The following GSDME variants were observed in gnomAD, a reference collection of about 807,000 sequenced individuals.
GSDME encodes the protein gasdermin E.
Under a neutral mutation model 47.5 loss-of-function variants are expected in GSDME, and 44 were observed. The observed-to-expected ratio is 0.93, with a 90% CI of 0.73 to 1.19. GSDME has a LOEUF of 1.19. GSDME is among the 50% of genes most tolerant of loss of function. GSDME has a pLI of 0.00. For missense variants in GSDME, 663 were observed against 604.2 expected (o/e 1.10, Z -1.02); for synonymous variants, 258 against 252.8 (o/e 1.02, Z -0.20).
In GSDME at chr7:24,729,234, C is replaced by A. The variant is rs569297581; in HGVS notation, c.405-10016G>T. Among the ~76,000 whole-genome samples, 64 of 152,366 alleles carry A rather than the reference C, an allele frequency of 4.2e-4. 1 individual carries two copies. In the South Asian group the frequency reaches 0.013, roughly 31 times the overall value. On this transcript the variant is annotated intron_variant, in intron 3 of 9. Transcript: ENST00000645220. ...ACGCCAAAGCCCTTGGAACATGTGT[C>A]TGTTTCCAAGCTCTGTGCATAGAAG...
At chr7:24,773,484 A>G in the GSDME span, among the ~76,000 whole-genome samples, 1 of 152,152 alleles carries the variant, frequency 6.6e-6, no homozygotes, top group African/African-American at 2.4e-5. This position sits in a 1 kb window ranked among gnomAD's most constrained non-coding sequence, Gnocchi z 5.4. Flanking sequence ...TTTGATGGCA[A>G]TTCATATTCT....
In GSDME at chr7:24,740,643, AATGT is replaced by A. The variant is rs556246497; in HGVS notation, c.404+3915_404+3918del. Among the ~76,000 whole-genome samples the A allele has an allele frequency of 5.1e-3, 772 of 152,104 alleles. 3 individuals carry two copies. The highest frequency in any genetic ancestry group is 0.018 in the African/African-American group (731 of 41,486). On this transcript the variant is annotated intron_variant, in intron 3 of 9. Transcript: ENST00000645220. ...ATTAAAAAATGTCATATATCCCATA[AATGT>A]ATGTATATATATTTACGTAAATATA...
At position 24,744,480 on chromosome 7, in the gene GSDME, C is replaced by T. The variant is rs944437693; in HGVS notation, c.404+82G>A. The T allele has an allele frequency of 1.7e-5, 24 of 1,417,598 alleles. No homozygotes were observed. The highest frequency in any genetic ancestry group is 1.3e-4 in the Admixed American group (8 of 59,782). 87.8% of individuals were successfully genotyped at this position (1,417,598 alleles called of 1,614,324 possible). A position where few individuals can be genotyped will look rare whatever the true frequency, so the allele number is the denominator to read the frequency against. ...ATTGATCGGCAGAGATCAAATCTGT[C>T]GCCCTTTTAACAAAGGTCCAACTGA... On this transcript the variant is annotated intron_variant, in intron 3 of 9. Transcript: ENST00000645220. The surrounding 1 kb of genome is among the most constrained non-coding windows in gnomAD (Gnocchi z 4.5).
chr7:24,739,299 G>C lies in GSDME; in HGVS notation c.404+5263C>G, dbSNP rs1790410660. Among the ~76,000 whole-genome samples the C allele has an allele frequency of 6.6e-6, 1 of 152,086 alleles. No individual in the cohort carries two copies. Among genetic ancestry groups the C allele is most frequent in the East Asian group, 1.9e-4 (1 of 5,196 alleles). Reference sequence around the variant, plus strand: ...GTAGGGAAAAAAATCTAATAATCCTGTTAAAAATGGGCAAAAGATCTAAAT... The same window carrying C: ...GTAGGGAAAAAAATCTAATAATCCTCTTAAAAATGGGCAAAAGATCTAAAT... On this transcript the variant is annotated intron_variant, in intron 3 of 9. Coordinates refer to ENST00000645220, the MANE Select transcript of GSDME (RefSeq NM_001127453.2). This position sits in a 1 kb window ranked among gnomAD's most constrained non-coding sequence, Gnocchi z 5.1.
At chr7:24,711,572 A>G (rs578156199) in intron 5 of GSDME, among the ~76,000 whole-genome samples, 55 of 152,204 alleles carry the variant, frequency 3.6e-4, no homozygotes, top group Non-Finnish European at 6.3e-4. Flanking sequence ...TGTAATGCCA[A>G]CACTTCGGGA....
At chr7:24,750,162 T>C (rs1010983411) in intron 1 of GSDME, among the ~76,000 whole-genome samples, 8 of 152,222 alleles carry the variant, frequency 5.3e-5, no homozygotes, top group Non-Finnish European at 1.0e-4. Flanking sequence ...TCTTGAACAC[T>C]GTCAATCATT....
chr7:24,762,008 C>T (rs1162426838), upstream of GSDME, among the ~76,000 whole-genome samples: 1 of 152,070 alleles, frequency 6.6e-6, no homozygotes, highest in Non-Finnish European at 1.5e-5. Flanking sequence ...ATTCCCAACA[C>T]TTTGAGAGGC....
At chr7:24,792,878 A>G in the GSDME span, among the ~76,000 whole-genome samples, 21 of 152,300 alleles carry the variant, frequency 1.4e-4, no homozygotes, top group East Asian at 3.5e-3. Context: ...AGGGTAGTAC[A>G]TGTGCTAAAA....
chr7:24,748,169 T>TATA (rs1491520142), intron 2 of GSDME, among the ~76,000 whole-genome samples: 1 of 84,894 alleles, frequency 1.2e-5, no homozygotes, highest in African/African-American at 4.1e-5. Flanking sequence ...TATATATATA[T>TATA]TTTTTTTTGA....
In GSDME at chr7:24,698,484, CAG is replaced by C. The variant is rs748962180; in HGVS notation, c.*540_*541del. ...AAATGCATATAGCTAGGGTCCCAAG[CAG>C]GGGTGTGTTACTGTTAGATTTTTTT... On this transcript the variant is annotated 3_prime_UTR_variant, in exon 10 of 10. Coordinates refer to ENST00000645220, the MANE Select transcript of GSDME (RefSeq NM_001127453.2). 1 of 181,028 alleles carries C rather than the reference CAG, an allele frequency of 5.5e-6. No individual in the cohort carries two copies. Among genetic ancestry groups the C allele is most frequent in the Non-Finnish European group, 1.2e-5 (1 of 86,068 alleles). 11.2% of individuals were successfully genotyped at this position (181,028 alleles called of 1,614,324 possible). A position where few individuals can be genotyped will look rare whatever the true frequency, so the allele number is the denominator to read the frequency against.
At chr7:24,755,308 C>A (rs958767406) in intron 1 of GSDME, among the ~76,000 whole-genome samples, 3 of 152,210 alleles carry the variant, frequency 2.0e-5, no homozygotes. Context: ...ATACCACCCC[C>A]CTTCCAATCA....
chr7:24,729,620 G>A (rs1790078721), intron 3 of GSDME, among the ~76,000 whole-genome samples: 1 of 152,242 alleles, frequency 6.6e-6, no homozygotes, highest in African/African-American at 2.4e-5. Flanking sequence ...TGTCCTTCAT[G>A]CCTCTGTGCA....
chr7:24,710,893 T>C (rs180991782), intron 5 of GSDME, among the ~76,000 whole-genome samples: 16 of 152,328 alleles, frequency 1.1e-4, no homozygotes, highest in African/African-American at 3.6e-4. Flanking sequence ...TGTCTGCAGT[T>C]ATATGAATGA....
At chr7:24,752,327 C>A (rs1790884894) in intron 1 of GSDME, among the ~76,000 whole-genome samples, 1 of 152,154 alleles carries the variant, frequency 6.6e-6, no homozygotes, top group African/African-American at 2.4e-5. Flanking sequence ...CTGGGGAGGC[C>A]CCCAATCCAT....
At chr7:24,750,514 G>C (rs914935663) in intron 1 of GSDME, among the ~76,000 whole-genome samples, 1 of 152,106 alleles carries the variant, frequency 6.6e-6, no homozygotes, top group African/African-American at 2.4e-5. Flanking sequence ...TTGGGAGGCT[G>C]AGGTGGGAGG....
chr7:24,700,230 C>A (rs1788809624), intron 9 of GSDME, among the ~76,000 whole-genome samples: 2 of 152,136 alleles, frequency 1.3e-5, no homozygotes, highest in African/African-American at 2.4e-5. Flanking sequence ...TCTGCCGTGC[C>A]TACAACACAG....
At chr7:24,731,155 T>C (rs974450195) in intron 3 of GSDME, among the ~76,000 whole-genome samples, 1 of 152,298 alleles carries the variant, frequency 6.6e-6, no homozygotes, top group Admixed American at 6.5e-5. Flanking sequence ...TTGCTTCCCA[T>C]AGAGAATATG....
the GSDME span, among the ~76,000 whole-genome samples, chr7:24,785,859 C>T: frequency 6.6e-6 from 1 of 152,208 alleles, no homozygotes; most frequent in Non-Finnish European, 1.5e-5. Flanking sequence ...TTCTTCAGCC[C>T]CATGGCTATC....
At chr7:24,795,262 G>A in the GSDME span, among the ~76,000 whole-genome samples, 1 of 152,184 alleles carries the variant, frequency 6.6e-6, no homozygotes, top group Non-Finnish European at 1.5e-5. Flanking sequence ...TCCCCCGCAG[G>A]GATGTTCCAC....
Sources: gnomAD v4.1 joint callset for allele counts (sites outside exome capture counted in the v4.1 genomes callset) on GRCh38, gnomAD v4.1.1 for gene constraint, Gnocchi (gnomAD v3.1) non-coding constraint, MANE v1.5 for transcripts, NCBI Gene and HGNC (gene_info 2026-07-23, HGNC 2026-07-21) for gene names.